The following CFAP206 variants were observed in gnomAD, a reference collection of about 807,000 sequenced individuals.
CFAP206 encodes cilia and flagella associated protein 206.
Under a neutral mutation model 65.4 loss-of-function variants are expected in CFAP206, and 53 were observed. The ratio of observed to expected loss-of-function variants is 0.81; its 90% confidence interval spans 0.65 to 1.02. The LOEUF (loss-of-function observed/expected upper bound fraction) is 1.02, where lower values mean the gene tolerates loss of function less well. Among genes scored for constraint, CFAP206 ranks in the 50% least tolerant of loss-of-function variants. The pLI is 0.00. For missense variants in CFAP206, 663 were observed against 753.2 expected, an observed-to-expected ratio of 0.88 and a Z score of 1.40; for synonymous variants, 250 against 254.4, an observed-to-expected ratio of 0.98 and a Z score of 0.17.
chr6:87,423,625 T>C (rs1767987764), intron 7 of CFAP206, among the ~76,000 whole-genome samples: 1 of 152,226 alleles, frequency 6.6e-6, no homozygotes, highest in African/African-American at 2.4e-5. Flanking sequence ...GGAGAACGTA[T>C]GCAAATGTAT....
intron 11 of CFAP206, among the ~76,000 whole-genome samples, chr6:87,456,279 G>T (rs1291501945): frequency 6.6e-6 from 1 of 152,052 alleles, no homozygotes; most frequent in Non-Finnish European, 1.5e-5. Context: ...TTGGTCATAT[G>T]CTTTATCAAA....
chr6:87,414,966 G>C (rs541210591), intron 4 of CFAP206, among the ~76,000 whole-genome samples: 44 of 152,212 alleles, frequency 2.9e-4, no homozygotes, highest in African/African-American at 1.1e-3. Flanking sequence ...CAAGGGTATA[G>C]GTATAAACTG....
At position 87,410,676 on chromosome 6, in the gene CFAP206, C is replaced by T. The variant is rs1342132889; in HGVS notation, c.192+8C>T. 6.9e-6 allele frequency: 11 copies of T among 1,605,802 alleles called. No homozygotes were observed. The highest frequency in any genetic ancestry group is 8.5e-6 in the Non-Finnish European group (10 of 1,173,280). On this transcript the variant is annotated splice_region_variant and intron_variant, in intron 3 of 12. Transcript: ENST00000369562. ...GTGCAGAATCTTGTTAAGGTGATTACCCAACAGTCCTCAAATTTGCAATTA... is the reference window on the plus strand; with the variant it reads ...GTGCAGAATCTTGTTAAGGTGATTATCCAACAGTCCTCAAATTTGCAATTA...
intron 3 of CFAP206, 59 bp downstream of exon 3, chr6:87,410,727 T>A: frequency 7.9e-7 from 1 of 1,266,566 alleles, no homozygotes; most frequent in Non-Finnish European, 1.2e-6. Context: ...AAATACAATA[T>A]TTGTATTAGT....
At position 87,409,821 on chromosome 6, in the gene CFAP206, GTTGTT is replaced by G; in HGVS notation, c.-5-11_-5-7del. On this transcript the variant is annotated splice_polypyrimidine_tract_variant and intron_variant, in intron 1 of 12. Transcript: ENST00000369562. Reference sequence around the variant, plus strand: ...AACCACGGTTTTTTTAAAAAAAATTGTTGTTTTATTTAGCCAGAATGCCTCCAACT... The same window carrying G: ...AACCACGGTTTTTTTAAAAAAAATTGTTATTTAGCCAGAATGCCTCCAACT... 2 of 1,548,392 alleles carry G rather than the reference GTTGTT, an allele frequency of 1.3e-6. No individual in the cohort carries two copies. Among genetic ancestry groups the G allele is most frequent in the Non-Finnish European group, 8.8e-7 (1 of 1,136,202 alleles).
chr6:87,410,955 A>C (rs1767725832), intron 3 of CFAP206, among the ~76,000 whole-genome samples: 1 of 152,220 alleles, frequency 6.6e-6, no homozygotes, highest in Non-Finnish European at 1.5e-5. Context: ...TATGTGTGCC[A>C]ATTGGGTCTA....
chr6:87,426,240 C>G lies in CFAP206; in HGVS notation c.841-286C>G, dbSNP rs551579584. ...TATACAAAAACGGATTCTTGAGGATCCATTTCTCAAGAATGCAATTATATT... is the reference window on the plus strand; with the variant it reads ...TATACAAAAACGGATTCTTGAGGATGCATTTCTCAAGAATGCAATTATATT... On this transcript the variant is annotated intron_variant, in intron 7 of 12. Coordinates refer to ENST00000369562, the MANE Select transcript of CFAP206 (RefSeq NM_001031743.3). 3.3e-5 allele frequency among the ~76,000 whole-genome samples: 5 copies of G among 152,238 alleles called. No individual in the cohort carries two copies. In the South Asian group the frequency reaches 1.0e-3, roughly 32 times the overall value.
chr6:87,442,586 G>A (rs545097591), intron 11 of CFAP206, among the ~76,000 whole-genome samples: 7 of 152,196 alleles, frequency 4.6e-5, no homozygotes, highest in Non-Finnish European at 7.4e-5. Flanking sequence ...TAATATTTCT[G>A]ATATTTCATA....
Position 87,408,087 on chromosome 6 carries a change from C to A in CFAP206, c.-8C>A. On this transcript the variant is annotated splice_region_variant and 5_prime_UTR_variant, in exon 1 of 13. Transcript: ENST00000369562. The stretch of plus-strand genomic sequence containing the variant: ...ACGGCTCCTGCTGTCGATTCCGATC[C>A]AGGTCAGCCTACTCGGGGCTCCGCG... 2.0e-6 allele frequency: 2 copies of A among 985,346 alleles called. No individual in the cohort carries two copies. The highest frequency in any genetic ancestry group is 2.4e-6 in the Non-Finnish European group (2 of 829,828). The allele number at this position is 985,346 out of a possible 1,614,324, so 61.0% of individuals were successfully genotyped here.
At chr6:87,447,894 G>A (rs1366402973) in intron 11 of CFAP206, among the ~76,000 whole-genome samples, 4 of 151,432 alleles carry the variant, frequency 2.6e-5, no homozygotes, top group Admixed American at 2.6e-4. Flanking sequence ...CTTCTTCCTG[G>A]TTCAGTCTTG....
At chr6:87,426,503 T>C (rs375935296) in intron 7 of CFAP206, 23 bp from the exon 8 acceptor site, 104 of 1,524,286 alleles carry the variant, frequency 6.8e-5, no homozygotes, top group Non-Finnish European at 8.8e-5. Flanking sequence ...AAAATATTAA[T>C]GCAAATTATG....
intron 6 of CFAP206, among the ~76,000 whole-genome samples, chr6:87,417,304 G>A (rs575854124): frequency 4.6e-5 from 7 of 152,104 alleles, no homozygotes; most frequent in Non-Finnish European, 7.3e-5. Context: ...AAGTTTGAAA[G>A]TACTTATGAA....
intron 3 of CFAP206, among the ~76,000 whole-genome samples, chr6:87,412,336 A>C (rs1767747933): frequency 6.6e-6 from 1 of 152,176 alleles, no homozygotes; most frequent in South Asian, 2.1e-4. Flanking sequence ...CCCTCCTCCC[A>C]GGAAAGCAGG....
chr6:87,447,859 C>T (rs759340807), intron 11 of CFAP206, among the ~76,000 whole-genome samples: 25 of 151,606 alleles, frequency 1.6e-4, no homozygotes, highest in Non-Finnish European at 2.5e-4. Flanking sequence ...TTTCAGAACT[C>T]GTTATTAGTC....
intron 4 of CFAP206, 98 bp downstream of exon 4, chr6:87,413,998 C>G (rs1767783017): frequency 3.8e-6 from 2 of 519,882 alleles, no homozygotes; most frequent in African/African-American, 4.0e-5. Context: ...ATTGTTTAAT[C>G]AATTTAACAA....
At chr6:87,420,020 T>TA in intron 7 of CFAP206, among the ~76,000 whole-genome samples, 1 of 152,286 alleles carries the variant, frequency 6.6e-6, no homozygotes, top group Admixed American at 6.5e-5. Context: ...GAGGATACAG[T>TA]AAGCTTTGGC....
intron 10 of CFAP206, among the ~76,000 whole-genome samples, chr6:87,432,399 A>G (rs1271292541): frequency 4.6e-5 from 7 of 152,198 alleles, no homozygotes; most frequent in Admixed American, 4.6e-4. Context: ...ATGCAGAAGT[A>G]AAATGCAATG....
intron 3 of CFAP206, 75 bp downstream of exon 3, chr6:87,410,743 T>C (rs1767721744): frequency 8.6e-7 from 1 of 1,158,902 alleles, no homozygotes; most frequent in Admixed American, 1.8e-5. Context: ...TTAGTCATTA[T>C]TGCCTTCAGC....
Position 87,416,769 on chromosome 6 carries a change from T to C in CFAP206, c.573T>C (p.Val191=). 3 of 1,613,930 alleles carry C rather than the reference T, an allele frequency of 1.9e-6. No individual in the cohort carries two copies. The highest frequency in any genetic ancestry group is 2.5e-6 in the Non-Finnish European group (3 of 1,179,886). ...AGCTGAAAGAACTCACCATGATTGT[T>C]ACTGGAATTCGTTTATTTAACAGAG... is the stretch of plus-strand genomic sequence containing the variant. ...ERQLKELTMI[V]TGIRLFNRDC... Residue 191 remains valine (V), a synonymous_variant, in exon 6 of 13, where the codon GTT becomes GTC. Coordinates refer to ENST00000369562, the MANE Select transcript of CFAP206 (RefSeq NM_001031743.3).
Sources: gnomAD v4.1 joint callset for allele counts (sites outside exome capture counted in the v4.1 genomes callset) on GRCh38, gnomAD v4.1.1 for gene constraint, MANE v1.5 for transcripts, NCBI Gene and HGNC (gene_info 2026-07-23, HGNC 2026-07-21) for gene names.